USP34: variants seen among roughly 807,000 people sequenced by gnomAD.
USP34 encodes the protein ubiquitin specific peptidase 34, also known as ubiquitin carboxyl-terminal hydrolase 34.
A neutral mutation model predicts 460.3 loss-of-function variants in USP34; 70 were observed. That is an observed-to-expected ratio of 0.15 (90% CI 0.13 to 0.19). USP34 has a LOEUF of 0.19. Among genes scored for constraint, USP34 ranks in the 10% least tolerant of loss-of-function variants. The pLI is 1.00. For missense variants in USP34, 3,985 were observed against 4,236.2 expected, an observed-to-expected ratio of 0.94 and a Z score of 1.65; for synonymous variants, 1,647 against 1,405.3, an observed-to-expected ratio of 1.17 and a Z score of -3.85.
intron 10 of USP34, among the ~76,000 whole-genome samples, chr2:61,354,513 C>T (rs1692047859): frequency 6.6e-6 from 1 of 152,182 alleles, no homozygotes; most frequent in African/African-American, 2.4e-5. Context: ...TCCCAGTGTG[C>T]TTCTAGCCAC....
intron 10 of USP34, among the ~76,000 whole-genome samples, chr2:61,360,629 A>G (rs753650759): frequency 1.3e-5 from 2 of 152,216 alleles, no homozygotes; most frequent in Admixed American, 6.5e-5. Context: ...AAATCTACAG[A>G]GTCAACGCAA....
intron 66 of USP34, among the ~76,000 whole-genome samples, chr2:61,220,980 A>C (rs1404432958): frequency 6.6e-6 from 1 of 151,950 alleles, no homozygotes; most frequent in African/African-American, 2.4e-5. Flanking sequence ...CCCATAACCC[A>C]CTCATTTCTT....
rs145673036 is a variant in USP34, at chr2:61,279,562, G to A, written c.5256+682C>T. 3.5e-3 allele frequency among the ~76,000 whole-genome samples: 532 copies of A among 152,224 alleles called. 2 individuals are homozygous for A. The highest frequency in any genetic ancestry group is 0.011 in the African/African-American group (439 of 41,536). On this transcript the variant is annotated intron_variant, in intron 39 of 79. Transcript: ENST00000398571. ...CACTGACTGCAACCTCTGCCTCCCGGGTTCAAGCGATTCTGCCTCAGCCCT... is the reference window on the plus strand; with the variant it reads ...CACTGACTGCAACCTCTGCCTCCCGAGTTCAAGCGATTCTGCCTCAGCCCT...
At position 61,422,801 on chromosome 2, in the gene USP34, C is replaced by G. The variant is rs1315185535; in HGVS notation, c.44-1968G>C. The stretch of plus-strand genomic sequence containing the variant: ...ATCACTTGAGCTTAGGAGGTCAAGA[C>G]CAGCCTGAGCAGCATAGTGAAACCC... On this transcript the variant is annotated intron_variant, in intron 1 of 79. Coordinates refer to ENST00000398571, the MANE Select transcript of USP34 (RefSeq NM_014709.4). Among the ~76,000 whole-genome samples, 3 of 152,120 alleles carry G rather than the reference C, an allele frequency of 2.0e-5. No homozygotes were observed. In the East Asian group the frequency reaches 5.8e-4, roughly 29 times the overall value.
intron 53 of USP34, among the ~76,000 whole-genome samples, chr2:61,239,343 CACACACACAG>C (rs1236562939): frequency 4.2e-5 from 6 of 142,432 alleles, no homozygotes; most frequent in African/African-American, 1.0e-4. Flanking sequence ...CACACACACA[CACACACACAG>C]AAGTTTGAGA....
intron 51 of USP34, among the ~76,000 whole-genome samples, 200 bp downstream of exon 51, chr2:61,245,010 G>C (rs566726960): frequency 6.6e-6 from 1 of 151,796 alleles, no homozygotes; most frequent in East Asian, 1.9e-4. Flanking sequence ...CTTCTTAATC[G>C]GGCTGTTGTG....
At chr2:61,388,854 C>T (rs1007875686) in intron 5 of USP34, among the ~76,000 whole-genome samples, 1 of 151,990 alleles carries the variant, frequency 6.6e-6, no homozygotes, top group African/African-American at 2.4e-5. Flanking sequence ...ATTAAATGCA[C>T]ACACATGTTC....
At chr2:61,343,733 C>T in intron 16 of USP34, 82 bp downstream of exon 16, 1 of 1,411,968 alleles carries the variant, frequency 7.1e-7, no homozygotes, top group Non-Finnish European at 9.8e-7. Context: ...ATAACCTTAA[C>T]TATTGAGTCC....
intron 75 of USP34, chr2:61,200,322 A>G (rs1321843751): frequency 1.3e-5 from 2 of 152,328 alleles, no homozygotes; most frequent in Non-Finnish European, 2.9e-5. Flanking sequence ...TTCAGATGGC[A>G]GTTGGCAGCT....
chr2:61,384,421 G>GCA (rs1693074689), intron 5 of USP34, among the ~76,000 whole-genome samples: 1 of 152,062 alleles, frequency 6.6e-6, no homozygotes, highest in African/African-American at 2.4e-5. Flanking sequence ...TATAATCCCA[G>GCA]CACTCTGGGA....
At chr2:61,357,371 ATATT>A (rs1419770328) in intron 10 of USP34, among the ~76,000 whole-genome samples, 1 of 152,222 alleles carries the variant, frequency 6.6e-6, no homozygotes, top group Non-Finnish European at 1.5e-5. Context: ...AAATTAGAAA[ATATT>A]TACAGATAAA....
Position 61,325,417 on chromosome 2 carries a change from A to G in USP34, c.2971T>C (p.Leu991=). The G allele has an allele frequency of 6.4e-7, 1 of 1,554,858 alleles. No individual in the cohort carries two copies. The highest frequency in any genetic ancestry group is 8.6e-7 in the Non-Finnish European group (1 of 1,160,412). ...CCCAGAGTTGAAAATACACAAGTCA[A>G]GAATTGAAGACGAACTTGAACTTCA... ...SAEVQVRLQF[L]TCVFSTLGSP... Residue 991 remains leucine (L), a synonymous_variant, in exon 21 of 80, where the codon TTG becomes CTG. Transcript: ENST00000398571.
At chr2:61,419,952 A>C (rs1694309342) in intron 2 of USP34, among the ~76,000 whole-genome samples, 1 of 152,210 alleles carries the variant, frequency 6.6e-6, no homozygotes, top group African/African-American at 2.4e-5. Context: ...CTTTTGCAAC[A>C]AGTATATCTG....
Position 61,370,174 on chromosome 2 carries a change from T to A in USP34, c.1251+147A>T. On this transcript the variant is annotated intron_variant, in intron 10 of 79. Coordinates refer to ENST00000398571, the MANE Select transcript of USP34 (RefSeq NM_014709.4). ...ATTCTACCAGTAACATAGTAAGACATGGACTCGGAAGCCAGATTTCAGTCC... is the reference window on the plus strand; with the variant it reads ...ATTCTACCAGTAACATAGTAAGACAAGGACTCGGAAGCCAGATTTCAGTCC... 4.2e-6 allele frequency: 3 copies of A among 717,044 alleles called. No homozygotes were observed. The South Asian group carries it at 5.9e-5, about 14-fold the overall frequency. The allele number at this position is 717,044 out of a possible 1,614,324, so 44.4% of individuals were successfully genotyped here.
At chr2:61,303,466 C>T (rs772136949) in intron 27 of USP34, among the ~76,000 whole-genome samples, 10 of 152,108 alleles carry the variant, frequency 6.6e-5, no homozygotes, top group Non-Finnish European at 1.3e-4. Context: ...AATAGCGATA[C>T]CATTTTATAG....
At chr2:61,294,878 T>C (rs1173604977) in intron 32 of USP34, 71 bp downstream of exon 32, 10 of 1,217,524 alleles carry the variant, frequency 8.2e-6, no homozygotes, top group Non-Finnish European at 1.2e-5. Context: ...TGAAGAATTA[T>C]GGTACCCACT....
intron 53 of USP34, among the ~76,000 whole-genome samples, chr2:61,237,898 TTTC>T (rs1688117119): frequency 6.6e-6 from 1 of 151,050 alleles, no homozygotes; most frequent in East Asian, 1.9e-4. Context: ...TATTTTCTTT[TTTC>T]TTTTCTTTTT....
intron 62 of USP34, among the ~76,000 whole-genome samples, chr2:61,225,119 C>T (rs1275979180): frequency 6.6e-6 from 1 of 152,134 alleles, no homozygotes; most frequent in Non-Finnish European, 1.5e-5. Context: ...AACAGATTTT[C>T]TGTAACAGAT....
intron 21 of USP34, among the ~76,000 whole-genome samples, chr2:61,321,839 G>A (rs1161837304): frequency 6.6e-6 from 1 of 152,166 alleles, no homozygotes; most frequent in East Asian, 1.9e-4. Context: ...GGAATCAGTG[G>A]TTAAGGTTTG....
Sources: allele counts gnomAD v4.1 joint callset (sites outside exome capture counted in the v4.1 genomes callset), GRCh38; gene constraint gnomAD v4.1.1; transcripts MANE v1.5; gene names NCBI Gene and HGNC (gene_info 2026-07-23, HGNC 2026-07-21).